UPRT: variants seen among roughly 807,000 people sequenced by gnomAD.
UPRT encodes the protein uracil phosphoribosyltransferase homolog.
Under a neutral mutation model 22.6 loss-of-function variants are expected in UPRT, and 5 were observed. That is an observed-to-expected ratio of 0.22 (90% CI 0.12 to 0.47). The LOEUF (loss-of-function observed/expected upper bound fraction) is 0.47, where lower values mean the gene tolerates loss of function less well. Among genes scored for constraint, UPRT ranks in the 20% least tolerant of loss-of-function variants. The pLI, the probability that UPRT is intolerant of heterozygous loss-of-function variation, is 0.99. For synonymous variants in UPRT, 77 were observed against 87.7 expected, an observed-to-expected ratio of 0.88 and a Z score of 0.68; for missense variants, 181 against 239.9, an observed-to-expected ratio of 0.75 and a Z score of 1.62.
chrX:75,230,322 C>T (rs1602462799), intron 4 of UPRT, among the ~76,000 whole-genome samples: 1 of 111,558 alleles, frequency 9.0e-6, no homozygotes. Flanking sequence ...TGATTTTTCT[C>T]TACCTGCCCT....
At chrX:75,224,575 C>T (rs766059226) in intron 4 of UPRT, among the ~76,000 whole-genome samples, 26 of 111,151 alleles carry the variant, frequency 2.3e-4, no homozygotes, top group Non-Finnish European at 4.5e-4. Context: ...TTCTCTTCCA[C>T]GTTTTTTCCT....
intron 4 of UPRT, among the ~76,000 whole-genome samples, chrX:75,179,860 CA>C (rs914545550): frequency 2.7e-5 from 3 of 112,996 alleles, no homozygotes; most frequent in Non-Finnish European, 3.8e-5. Flanking sequence ...AGCTGGCCCG[CA>C]AGCGCCGCAT....
chrX:75,250,822 G>A (rs779540128), intron 4 of UPRT, among the ~76,000 whole-genome samples: 39 of 111,733 alleles, frequency 3.5e-4, no homozygotes, highest in African/African-American at 1.1e-3. Flanking sequence ...ATAAAATCCT[G>A]GAAAACCAAA....
intron 2 of UPRT, among the ~76,000 whole-genome samples, chrX:75,163,055 G>C (rs1266352149): frequency 1.8e-5 from 2 of 111,954 alleles, no homozygotes; most frequent in Non-Finnish European, 3.8e-5. Flanking sequence ...ATATCAGCCA[G>C]GGCTGCAATC....
intron 4 of UPRT, among the ~76,000 whole-genome samples, chrX:75,210,634 G>T (rs1049192687): frequency 3.0e-5 from 3 of 99,037 alleles, no homozygotes; most frequent in East Asian, 3.3e-4. Flanking sequence ...TGGAGGAGCC[G>T]CAGCCAAAGG....
chrX:75,182,265 C>A (rs935645527), intron 4 of UPRT, among the ~76,000 whole-genome samples: 1 of 111,567 alleles, frequency 9.0e-6, no homozygotes, highest in Non-Finnish European at 1.9e-5. Flanking sequence ...GCTAGTCATT[C>A]TTTGAGGATT....
chrX:75,212,645 T>G (rs1569266693), intron 4 of UPRT, among the ~76,000 whole-genome samples: 1 of 111,866 alleles, frequency 8.9e-6, no homozygotes, highest in Non-Finnish European at 1.9e-5. Flanking sequence ...TGCAGGGACA[T>G]GGATGAAGCT....
chrX:75,196,289 C>T (rs2082332387), intron 4 of UPRT, among the ~76,000 whole-genome samples: 1 of 112,101 alleles, frequency 8.9e-6, no homozygotes, highest in Admixed American at 9.5e-5. Context: ...CCTCAGCCTC[C>T]TGAGTACCTG....
chrX:75,167,960 C>T (rs1022787877), intron 4 of UPRT, among the ~76,000 whole-genome samples: 9 of 111,707 alleles, frequency 8.1e-5, no homozygotes, highest in Middle Eastern at 9.2e-3. Flanking sequence ...TTCAAAGCTA[C>T]GGGCTCAGTC....
At chrX:75,173,350 C>T (rs2082235347) in intron 4 of UPRT, among the ~76,000 whole-genome samples, 1 of 109,970 alleles carries the variant, frequency 9.1e-6, no homozygotes, top group African/African-American at 3.3e-5. Flanking sequence ...GGTGTATTTA[C>T]AATCCTTGAG....
At chrX:75,200,981 C>T (rs1255623680) in intron 4 of UPRT, among the ~76,000 whole-genome samples, 1 of 111,901 alleles carries the variant, frequency 8.9e-6, no homozygotes, top group Non-Finnish European at 1.9e-5. Flanking sequence ...ACCAATCTGC[C>T]TATAGATTTA....
chrX:75,236,766 A>G (rs1168463305), intron 4 of UPRT, among the ~76,000 whole-genome samples: 1 of 112,428 alleles, frequency 8.9e-6, no homozygotes, highest in Non-Finnish European at 1.9e-5. Context: ...CTGAAACTGG[A>G]TCCCTTCCTT....
Position 75,237,689 on chromosome X carries a change from A to G in UPRT, c.-446-53335A>G, listed in dbSNP as rs1456144227. Among the ~76,000 whole-genome samples the G allele has an allele frequency of 2.8e-5, 3 of 107,272 alleles. No individual in the cohort carries two copies. The East Asian group carries it at 9.1e-4, about 33-fold the overall frequency. 93.2% of individuals were successfully genotyped at this position (107,272 alleles called of 115,157 possible). On this transcript the variant is annotated intron_variant, in intron 4 of 13. Coordinates refer to the UPRT transcript ENST00000652605. ...TGGAAATCATCCTTCTCAGTAAACTATCGCAAGAACAAAAAACCAAACACT... is the reference window on the plus strand; with the variant it reads ...TGGAAATCATCCTTCTCAGTAAACTGTCGCAAGAACAAAAAACCAAACACT...
chrX:75,242,954 G>C (rs1390489682), intron 4 of UPRT, among the ~76,000 whole-genome samples: 1 of 111,531 alleles, frequency 9.0e-6, no homozygotes, highest in Non-Finnish European at 1.9e-5. Context: ...ATGGTTTGCT[G>C]TTTTCAATGA....
chrX:75,293,455 G>A lies in UPRT; in HGVS notation c.387-17G>A, dbSNP rs779598306. The A allele has an allele frequency of 8.3e-7, 1 of 1,200,039 alleles. No homozygotes were observed. The highest frequency in any genetic ancestry group is 1.1e-6 in the Non-Finnish European group (1 of 890,554). Reference sequence around the variant, plus strand: ...AAAGCTCTAATTTAGACTAAAACTTGTATTATCTTTTTTTAGGACAGCCAG... The same window carrying A: ...AAAGCTCTAATTTAGACTAAAACTTATATTATCTTTTTTTAGGACAGCCAG... On this transcript the variant is annotated splice_polypyrimidine_tract_variant and intron_variant, in intron 1 of 6. Coordinates refer to ENST00000373383, the MANE Select transcript of UPRT (RefSeq NM_145052.4).
At chrX:75,232,724 T>C (rs2082443239) in intron 4 of UPRT, among the ~76,000 whole-genome samples, 1 of 110,782 alleles carries the variant, frequency 9.0e-6, no homozygotes, top group Admixed American at 9.6e-5. Flanking sequence ...CAGCTGAGAG[T>C]CCTGTCTGTT....
In UPRT at chrX:75,196,287, T is replaced by A. The variant is rs1045928426; in HGVS notation, c.-447+28408T>A. On this transcript the variant is annotated intron_variant, in intron 4 of 13. Transcript: ENST00000652605. ...CTCAAGTGATCCTCCTGCCTCAGCC[T>A]CCTGAGTACCTGGGACTATAGGCAC... 7.1e-5 allele frequency among the ~76,000 whole-genome samples: 8 copies of A among 112,209 alleles called. No homozygotes were observed. The Admixed American group carries it at 7.6e-4, about 11-fold the overall frequency.
intron 1 of UPRT, among the ~76,000 whole-genome samples, chrX:75,287,736 T>G (rs1293825859): frequency 9.0e-6 from 1 of 111,091 alleles, no homozygotes; most frequent in Non-Finnish European, 1.9e-5. Context: ...AAAGATCTCA[T>G]TAACAATCTA....
chrX:75,294,490 C>T, intron 2 of UPRT: 4 of 809,623 alleles, frequency 4.9e-6, no homozygotes, highest in Non-Finnish European at 4.6e-6. Flanking sequence ...GCTTCTTAGC[C>T]CCAAAGTTAT....
Sources: allele counts gnomAD v4.1 joint callset (sites outside exome capture counted in the v4.1 genomes callset), GRCh38; gene constraint gnomAD v4.1.1; transcripts MANE v1.5; gene names NCBI Gene and HGNC (gene_info 2026-07-23, HGNC 2026-07-21).